Variants in LNPK observed in about 807,000 individuals in gnomAD.
The protein encoded by LNPK is endoplasmic reticulum junction formation protein lunapark.
Under a neutral mutation model 55.2 loss-of-function variants are expected in LNPK, and 29 were observed. That is an observed-to-expected ratio of 0.53 (90% CI 0.39 to 0.72). The LOEUF (loss-of-function observed/expected upper bound fraction) is 0.72, where lower values mean the gene tolerates loss of function less well. Among genes scored for constraint, LNPK ranks in the 30% least tolerant of loss-of-function variants. LNPK has a pLI of 0.00. For missense variants in LNPK, 467 were observed against 494.8 expected (o/e 0.94, Z 0.53); for synonymous variants, 162 against 168.2 (o/e 0.96, Z 0.29).
chr2:175,929,927 A>G lies in LNPK; in HGVS notation c.*40T>C, dbSNP rs1214923320. 6.2e-7 allele frequency: 1 copy of G among 1,609,584 alleles called. No individual in the cohort carries two copies. The highest frequency in any genetic ancestry group is 8.5e-7 in the Non-Finnish European group (1 of 1,177,154). On this transcript the variant is annotated 3_prime_UTR_variant, in exon 13 of 13. Coordinates refer to ENST00000272748, the MANE Select transcript of LNPK (RefSeq NM_030650.3). ...GAAAAAGCAATAACTGACATCAGTA[A>G]GACTATAAATATCCAGTTGAAGGCA... is the stretch of plus-strand genomic sequence containing the variant.
At chr2:176,002,289 A>T (rs1255131758), upstream of LNPK, 5 of 438,846 alleles carry the variant, frequency 1.1e-5, no homozygotes, top group Admixed American at 1.2e-4. Flanking sequence ...ACTCCTTCCC[A>T]TGAAACCCCG....
At position 175,929,513 on chromosome 2, in the gene LNPK, A is replaced by T; in HGVS notation, c.*454T>A. 1 of 994,252 alleles carries T rather than the reference A, an allele frequency of 1.0e-6. No homozygotes were observed. Among genetic ancestry groups the T allele is most frequent in the Non-Finnish European group, 1.2e-6 (1 of 835,354 alleles). 61.6% of individuals were successfully genotyped at this position (994,252 alleles called of 1,614,324 possible). On this transcript the variant is annotated 3_prime_UTR_variant, in exon 13 of 13. Transcript: ENST00000272748. ...AAATAGACATTTCTCCCAGTTGTAAATATCTCAGGAGCTAAAATTCTATCA... is the reference window on the plus strand; with the variant it reads ...AAATAGACATTTCTCCCAGTTGTAATTATCTCAGGAGCTAAAATTCTATCA...
Position 175,929,142 on chromosome 2 carries a change from T to G in LNPK, c.*825A>C. On this transcript the variant is annotated 3_prime_UTR_variant, in exon 13 of 13. Transcript: ENST00000272748. ...AACTGATGCCAGATTATTTTCATTT[T>G]CCTTAATAAAATACAAACAAGAGCA... 1.0e-6 allele frequency: 1 copy of G among 983,174 alleles called. No individual in the cohort carries two copies. The highest frequency in any genetic ancestry group is 1.2e-6 in the Non-Finnish European group (1 of 827,468). 60.9% of individuals were successfully genotyped at this position (983,174 alleles called of 1,614,324 possible).
intron 9 of LNPK, among the ~76,000 whole-genome samples, chr2:175,944,755 C>T (rs1685037521): frequency 1.3e-5 from 2 of 152,018 alleles, no homozygotes; most frequent in East Asian, 3.9e-4. Context: ...GATAGCAATA[C>T]TACATTATAC....
At chr2:175,941,716 G>C (rs1222149112) in intron 9 of LNPK, among the ~76,000 whole-genome samples, 2 of 150,652 alleles carry the variant, frequency 1.3e-5, no homozygotes, top group Non-Finnish European at 3.0e-5. Flanking sequence ...GCTTGAACCT[G>C]GGAGGTGGAG....
At position 175,979,851 on chromosome 2, in the gene LNPK, G is replaced by C. The variant is rs193157980; in HGVS notation, c.275C>G (p.Thr92Arg). 41 of 1,581,360 alleles carry C rather than the reference G, an allele frequency of 2.6e-5. No homozygotes were observed. Among genetic ancestry groups the C allele is most frequent in the Non-Finnish European group, 8.6e-7 (1 of 1,166,026 alleles). The change falls in exon 5 of 13, where the codon ACA (threonine) becomes AGA (arginine). Residue 92 changes from threonine to arginine, a missense_variant. Coordinates refer to ENST00000272748, the MANE Select transcript of LNPK (RefSeq NM_030650.3). ...AFPLIIWSIR[T>R]VIIFFFSKRT... is the part of the protein sequence containing the mutation. ...CTTGGAAAAGAAGAAAATAATTACT[G>C]TTCTTATGCTCCAGATGCTAAAAGG...
At chr2:175,970,310 A>ATCTC (rs137979867) in intron 6 of LNPK, among the ~76,000 whole-genome samples, 1 of 151,776 alleles carries the variant, frequency 6.6e-6, no homozygotes, top group Non-Finnish European at 1.5e-5. Context: ...GAAAACAATT[A>ATCTC]TCTCTCTCTC....
intron 5 of LNPK, among the ~76,000 whole-genome samples, chr2:175,978,896 G>A (rs1360882808): frequency 1.3e-5 from 2 of 152,148 alleles, no homozygotes; most frequent in Non-Finnish European, 1.5e-5. Context: ...GGAAATAGTC[G>A]TTGGGGTAGA....
intron 8 of LNPK, among the ~76,000 whole-genome samples, chr2:175,953,517 A>T (rs1011995792): frequency 6.6e-6 from 1 of 152,140 alleles, no homozygotes; most frequent in Non-Finnish European, 1.5e-5. Flanking sequence ...ACACCTAAGC[A>T]GTTGTCCAAA....
chr2:175,943,622 A>G (rs868714357), intron 9 of LNPK, among the ~76,000 whole-genome samples: 57 of 152,192 alleles, frequency 3.7e-4, no homozygotes, highest in African/African-American at 1.4e-4. Flanking sequence ...TTAAAAATCA[A>G]TGTAACTCAC....
chr2:175,932,304 G>A lies in LNPK; in HGVS notation c.1055-2105C>T, dbSNP rs146516443. ...CACAAAGAAATGGTTAATACAAGGA[G>A]GAGAACTACAATACTGAAATTTTTA... On this transcript the variant is annotated intron_variant, in intron 12 of 12. Coordinates refer to ENST00000272748, the MANE Select transcript of LNPK (RefSeq NM_030650.3). The A allele has an allele frequency of 6.5e-5, 25 of 386,142 alleles. No individual in the cohort carries two copies. The East Asian group carries it at 1.7e-3, about 26-fold the overall frequency. 23.9% of individuals were successfully genotyped at this position (386,142 alleles called of 1,614,324 possible). A position where few individuals can be genotyped will look rare whatever the true frequency, so the allele number is the denominator to read the frequency against.
intron 9 of LNPK, among the ~76,000 whole-genome samples, chr2:175,943,372 T>C (rs1337649816): frequency 1.3e-5 from 2 of 151,806 alleles, no homozygotes; most frequent in African/African-American, 4.8e-5. Flanking sequence ...GAATAGGGAA[T>C]ACTTACTCAT....
chr2:175,943,882 T>C (rs1684986304), intron 9 of LNPK, among the ~76,000 whole-genome samples: 1 of 152,090 alleles, frequency 6.6e-6, no homozygotes, highest in African/African-American at 2.4e-5. Context: ...GGCAAGGATG[T>C]CCACTCCTAG....
intron 8 of LNPK, among the ~76,000 whole-genome samples, chr2:175,957,383 G>C (rs1031933102): frequency 1.3e-5 from 2 of 151,534 alleles, no homozygotes; most frequent in African/African-American, 4.9e-5. Context: ...CTCAAAAAAA[G>C]AACCCAGCCA....
chr2:175,984,638 C>CA (rs1175446033), intron 4 of LNPK, among the ~76,000 whole-genome samples: 1 of 151,894 alleles, frequency 6.6e-6, no homozygotes, highest in Non-Finnish European at 1.5e-5. Flanking sequence ...ATTAGGGAAA[C>CA]AAAAAATTAA....
chr2:175,953,571 C>T (rs1326305455), intron 8 of LNPK, among the ~76,000 whole-genome samples: 2 of 151,956 alleles, frequency 1.3e-5, no homozygotes, highest in Admixed American at 1.3e-4. Flanking sequence ...CACCCCCAAC[C>T]CCTGCCCCGC....
At chr2:175,970,438 G>A (rs1559057173) in intron 6 of LNPK, among the ~76,000 whole-genome samples, 1 of 151,856 alleles carries the variant, frequency 6.6e-6, no homozygotes, top group Non-Finnish European at 1.5e-5. Flanking sequence ...GAGATATTTT[G>A]TCCTTTTTTA....
chr2:176,002,674 GGGAGTCCGTCCTGA>G (rs560751979), upstream of LNPK: 593 of 166,624 alleles, frequency 3.6e-3, 5 homozygotes, highest in Middle Eastern at 0.014. Flanking sequence ...GCATCTGGAA[GGGAGTCCGTCCTGA>G]GGAGTCCCCC....
At chr2:175,959,887 A>C (rs1685917082) in intron 8 of LNPK, among the ~76,000 whole-genome samples, 2 of 109,934 alleles carry the variant, frequency 1.8e-5, no homozygotes, top group Non-Finnish European at 4.8e-5. Context: ...AATGGAAAAC[A>C]AAAAAAAAAG....
Sources: allele counts gnomAD v4.1 joint callset (sites outside exome capture counted in the v4.1 genomes callset), GRCh38; gene constraint gnomAD v4.1.1; transcripts MANE v1.5; gene names NCBI Gene and HGNC (gene_info 2026-07-23, HGNC 2026-07-21).